The following ANXA4 variants were observed in gnomAD, a reference collection of about 807,000 sequenced individuals.
ANXA4 encodes annexin A4.
Under a neutral mutation model 49.8 loss-of-function variants are expected in ANXA4, and 39 were observed. That is an observed-to-expected ratio of 0.78 (90% confidence interval 0.61 to 1.02). The LOEUF (loss-of-function observed/expected upper bound fraction) is 1.02. ANXA4 is among the 50% of genes least tolerant of loss of function. The pLI is 0.00. For synonymous variants in ANXA4, 134 were observed against 152.5 expected, an observed-to-expected ratio of 0.88 and a Z score of 0.89; for missense variants, 360 against 410.1, an observed-to-expected ratio of 0.88 and a Z score of 1.05.
intron 2 of ANXA4, among the ~76,000 whole-genome samples, chr2:69,714,461 G>A (rs777338543): frequency 1.3e-5 from 2 of 152,218 alleles, no homozygotes; most frequent in Admixed American, 6.5e-5. Flanking sequence ...GGGCTTCGGC[G>A]AGGGCACGTG....
At chr2:69,736,186 A>G (rs1670239885) in intron 3 of ANXA4, among the ~76,000 whole-genome samples, 2 of 152,192 alleles carry the variant, frequency 1.3e-5, no homozygotes, top group Admixed American at 1.3e-4. Flanking sequence ...ACCTGGGTTC[A>G]AGGGGAAAGG....
At chr2:69,788,476 G>A (rs927702073) in intron 3 of ANXA4, among the ~76,000 whole-genome samples, 9 of 151,498 alleles carry the variant, frequency 5.9e-5, no homozygotes, top group African/African-American at 1.9e-4. Flanking sequence ...GGAGGTGGAG[G>A]TTGCAGTGAG....
chr2:69,773,882 G>A (rs1054910631), intron 1 of ANXA4, among the ~76,000 whole-genome samples: 10 of 151,262 alleles, frequency 6.6e-5, no homozygotes, highest in African/African-American at 1.5e-4. Context: ...CGCCTGCCTC[G>A]GCCTCCCAAA....
At chr2:69,708,195 G>A (rs1398485914) in intron 2 of ANXA4, among the ~76,000 whole-genome samples, 1 of 152,190 alleles carries the variant, frequency 6.6e-6, no homozygotes, top group Non-Finnish European at 1.5e-5. Context: ...TCTGAGTAGT[G>A]GAGCTGAGTC....
chr2:69,809,829 C>T (rs991802717), intron 6 of ANXA4: 2 of 152,216 alleles, frequency 1.3e-5, no homozygotes, highest in African/African-American at 4.8e-5. Flanking sequence ...AGAGACGTGG[C>T]AGAGAGGCAT....
chr2:69,742,060 T>C (rs947524197), upstream of ANXA4: 1 of 152,136 alleles, frequency 6.6e-6, no homozygotes, highest in Non-Finnish European at 1.5e-5. Flanking sequence ...AACCAGGAAC[T>C]TGGGCTCAGT....
At chr2:69,697,937 G>C (rs1172771085) in intron 2 of ANXA4, among the ~76,000 whole-genome samples, 1 of 145,356 alleles carries the variant, frequency 6.9e-6, no homozygotes, top group Non-Finnish European at 1.5e-5. Flanking sequence ...TTAAGCCCAG[G>C]AGTTTGAGGC....
At chr2:69,682,351 C>T (rs759743792) in intron 2 of ANXA4, among the ~76,000 whole-genome samples, 5 of 151,896 alleles carry the variant, frequency 3.3e-5, no homozygotes, top group Admixed American at 6.6e-5. Flanking sequence ...AGATATTTTA[C>T]GTTTCTTCTA....
intron 3 of ANXA4, among the ~76,000 whole-genome samples, chr2:69,726,193 A>C (rs905208040): frequency 6.6e-6 from 1 of 152,090 alleles, no homozygotes; most frequent in Admixed American, 6.5e-5. Context: ...AGTTCATGAG[A>C]TCTGATAGTT....
chr2:69,659,220 A>T (rs1676621482), intron 2 of ANXA4, among the ~76,000 whole-genome samples: 1 of 152,266 alleles, frequency 6.6e-6, no homozygotes, highest in Non-Finnish European at 1.5e-5. Context: ...TGGGAAATAA[A>T]TTAGAGATAG....
At chr2:69,658,452 T>G (rs1317565249) in intron 2 of ANXA4, among the ~76,000 whole-genome samples, 5 of 151,532 alleles carry the variant, frequency 3.3e-5, no homozygotes, top group African/African-American at 1.2e-4. Context: ...CAGACATTTA[T>G]TCCCCAGCTG....
chr2:69,744,297 G>A (rs4852319), intron 1 of ANXA4, among the ~76,000 whole-genome samples: 86,985 of 151,942 alleles, frequency 0.57, 25,860 homozygotes, highest in African/African-American at 0.7. Context: ...ATAGAGTGAG[G>A]CCCTGTCTGA....
chr2:69,767,623 G>C (rs1040210387), intron 1 of ANXA4, among the ~76,000 whole-genome samples: 1 of 152,328 alleles, frequency 6.6e-6, no homozygotes, highest in African/African-American at 2.4e-5. Flanking sequence ...AGCGTGTGGG[G>C]ATTAGAAATG....
chr2:69,823,104 A>G (rs1449741507), intron 12 of ANXA4, among the ~76,000 whole-genome samples: 2 of 150,060 alleles, frequency 1.3e-5, no homozygotes, highest in East Asian at 1.9e-4. Context: ...TGTTATTACT[A>G]TTAATCAATA....
intron 3 of ANXA4, among the ~76,000 whole-genome samples, chr2:69,723,624 T>C (rs1669879271): frequency 6.6e-6 from 1 of 152,244 alleles, no homozygotes; most frequent in Non-Finnish European, 1.5e-5. Flanking sequence ...TTTTATGACA[T>C]AAAATTTCTT....
At chr2:69,800,375 G>A (rs748616771) in intron 3 of ANXA4, among the ~76,000 whole-genome samples, 29 of 152,142 alleles carry the variant, frequency 1.9e-4, no homozygotes, top group Non-Finnish European at 3.1e-4. Context: ...GGAGACATTT[G>A]GCACAACCAA....
chr2:69,686,127 T>A (rs1206745978), intron 2 of ANXA4, among the ~76,000 whole-genome samples: 4 of 152,208 alleles, frequency 2.6e-5, no homozygotes, highest in Non-Finnish European at 5.9e-5. Context: ...GCTTATGTAA[T>A]TTAACTTTAA....
In ANXA4 at chr2:69,789,301, G is replaced by A. The variant is rs1318026628; in HGVS notation, c.97+1160G>A. Among the ~76,000 whole-genome samples, 8 of 152,164 alleles carry A rather than the reference G, an allele frequency of 5.3e-5. No homozygotes were observed. The East Asian group carries it at 1.2e-3, about 22-fold the overall frequency. Reference sequence around the variant, plus strand: ...CAAGTCGCACAGTGAGTGAAACTGAGCCATGGCTCACACTAGGCAGATCCC... The same window carrying A: ...CAAGTCGCACAGTGAGTGAAACTGAACCATGGCTCACACTAGGCAGATCCC... On this transcript the variant is annotated intron_variant, in intron 3 of 12. Coordinates refer to ENST00000394295, the MANE Select transcript of ANXA4 (RefSeq NM_001153.5).
chr2:69,656,305 GTATATA>G (rs1342034403), intron 2 of ANXA4, among the ~76,000 whole-genome samples: 3 of 108,868 alleles, frequency 2.8e-5, no homozygotes, highest in South Asian at 3.4e-4. Flanking sequence ...GTATATATAT[GTATATA>G]TGTATATATA....
Sources: allele counts gnomAD v4.1 joint callset (sites outside exome capture counted in the v4.1 genomes callset), GRCh38; gene constraint gnomAD v4.1.1; transcripts MANE v1.5; gene names NCBI Gene and HGNC (gene_info 2026-07-23, HGNC 2026-07-21).